SYCP2: variants seen among roughly 807,000 people sequenced by gnomAD.
The protein encoded by SYCP2 is synaptonemal complex lateral element protein.
Under a neutral mutation model 211.3 loss-of-function variants are expected in SYCP2, and 55 were observed. The observed-to-expected ratio is 0.26, with a 90% CI of 0.21 to 0.33. The LOEUF is 0.33. Among genes scored for constraint, SYCP2 ranks in the 10% least tolerant of loss-of-function variants. The pLI is 1.00. For synonymous variants in SYCP2, 570 were observed against 555.2 expected, an observed-to-expected ratio of 1.03 and a Z score of -0.37; for missense variants, 1,731 against 1,752.0, an observed-to-expected ratio of 0.99 and a Z score of 0.21.
rs2059391166 is a variant in SYCP2, at chr20:59,868,442, A to G, written c.3959T>C (p.Ile1320Thr). ...GTGGATATGATGATCTGCATCTTCA[A>G]TTTTACACAGTTTTTTGGGAAGCAA... ...ANLLPKKLCK[I>T]EDADHHIHKM... The change falls in exon 38 of 45, where the codon ATT becomes ACT. Residue 1320 changes from isoleucine (I) to threonine (T), a missense_variant. By Grantham distance (89) the Ile-to-Thr change is moderately conservative. Around this residue, in one of 3 missense-constraint regions of SYCP2, gnomAD observed 1,387 missense variants for 1,351.3 expected, o/e 1.03. Coordinates refer to ENST00000357552, the MANE Select transcript of SYCP2 (RefSeq NM_014258.4). 6.2e-7 allele frequency: 1 copy of G among 1,610,582 alleles called. No homozygotes were observed. The highest frequency in any genetic ancestry group is 8.5e-7 in the Non-Finnish European group (1 of 1,178,216).
intron 38 of SYCP2, 147 bp from the exon 39 acceptor site, chr20:59,867,994 T>C: frequency 3.3e-6 from 2 of 611,642 alleles, no homozygotes; most frequent in South Asian, 2.6e-5. Flanking sequence ...GAGTTCCTTA[T>C]GTTTTTTTTA....
At chr20:59,905,466 A>G (rs571762229) in intron 15 of SYCP2, among the ~76,000 whole-genome samples, 1 of 152,256 alleles carries the variant, frequency 6.6e-6, no homozygotes, top group African/African-American at 2.4e-5. Flanking sequence ...AACATGCTTG[A>G]ATCTTTTTTT....
At chr20:59,883,967 T>C (rs1274037053) in intron 26 of SYCP2, among the ~76,000 whole-genome samples, 1 of 152,114 alleles carries the variant, frequency 6.6e-6, no homozygotes, top group African/African-American at 2.4e-5. Flanking sequence ...CATTTCACTA[T>C]GTATATCATG....
intron 14 of SYCP2, among the ~76,000 whole-genome samples, chr20:59,911,194 G>T (rs1028332825): frequency 2.0e-5 from 3 of 152,156 alleles, no homozygotes; most frequent in African/African-American, 4.8e-5. Flanking sequence ...TAGCTATTAT[G>T]AAATAATGGC....
intron 19 of SYCP2, among the ~76,000 whole-genome samples, chr20:59,896,146 C>G (rs1315452199): frequency 6.6e-6 from 1 of 151,978 alleles, no homozygotes; most frequent in Non-Finnish European, 1.5e-5. Context: ...GGAGCTAAGT[C>G]CACCTGGCCT....
At chr20:59,903,974 C>G (rs558119453) in intron 15 of SYCP2, among the ~76,000 whole-genome samples, 1 of 152,212 alleles carries the variant, frequency 6.6e-6, no homozygotes, top group East Asian at 1.9e-4. Context: ...GTACATGTAA[C>G]AAGATCTCTG....
At chr20:59,932,666 T>A (rs998570974) in intron 1 of SYCP2, among the ~76,000 whole-genome samples, 2 of 151,694 alleles carry the variant, frequency 1.3e-5, no homozygotes, top group Middle Eastern at 3.2e-3. Flanking sequence ...AGAGCGAGAC[T>A]CCGTCTCGGG....
rs2060101300 is a variant in SYCP2, at chr20:59,900,793, G to A, written c.1208C>T (p.Ser403Leu). ...TATATGCAGCGACGTTTTGGCAACTGAAATACCTTGTTTTCTGATAGATTC... is the reference window on the plus strand; with the variant it reads ...TATATGCAGCGACGTTTTGGCAACTAAAATACCTTGTTTTCTGATAGATTC... ...HRESIRKQGI[S>L]VAKTSLHILF... The change falls in exon 17 of 45, where the codon TCA (serine) becomes TTA (leucine). Residue 403 changes from serine to leucine, a missense_variant. Physicochemically the swap from Ser to Leu is moderately radical, Grantham distance 145 (BLOSUM62 -2). Around this residue, in one of 3 missense-constraint regions of SYCP2, gnomAD observed 1,387 missense variants for 1,351.3 expected, o/e 1.03. Transcript: ENST00000357552. The A allele has an allele frequency of 1.9e-6, 3 of 1,612,282 alleles. No homozygotes were observed. Among genetic ancestry groups the A allele is most frequent in the Non-Finnish European group, 1.7e-6 (2 of 1,178,766 alleles).
chr20:59,930,134 C>T (rs924202353), intron 2 of SYCP2, among the ~76,000 whole-genome samples: 1 of 152,138 alleles, frequency 6.6e-6, no homozygotes, highest in Non-Finnish European at 1.5e-5. Flanking sequence ...TAACCATGAA[C>T]ACATTATTCA....
chr20:59,920,583 C>A (rs2060522806), intron 4 of SYCP2, 96 bp from the exon 5 acceptor site: 2 of 1,017,228 alleles, frequency 2.0e-6, no homozygotes, highest in Non-Finnish European at 2.9e-6. Context: ...TTAATCTTCA[C>A]AAATCCTGAA....
At position 59,886,997 on chromosome 20, in the gene SYCP2, AATAAG is replaced by A. The variant is rs202078405; in HGVS notation, c.2365-168_2365-164del. 5.5e-3 allele frequency among the ~76,000 whole-genome samples: 832 copies of A among 151,554 alleles called. 6 individuals carry two copies. The highest frequency in any genetic ancestry group is 0.017 in the African/African-American group (712 of 41,382). On this transcript the variant is annotated intron_variant, in intron 24 of 44. Coordinates refer to ENST00000357552, the MANE Select transcript of SYCP2 (RefSeq NM_014258.4). Reference sequence around the variant, plus strand: ...AAGTTTGAGCTTTGTTAGGCATTAAAATAAGATAATTTTTTTTATTATACTTTAAG... The same window carrying A: ...AAGTTTGAGCTTTGTTAGGCATTAAAATAATTTTTTTTATTATACTTTAAG...
chr20:59,873,728 C>T (rs1047320612), intron 35 of SYCP2, 128 bp downstream of exon 35: 10 of 707,506 alleles, frequency 1.4e-5, no homozygotes, highest in Non-Finnish European at 2.3e-5. Flanking sequence ...TCCCTCTCCC[C>T]CAAGACCCTA....
chr20:59,864,211 C>T lies in SYCP2; in HGVS notation c.*100G>A, dbSNP rs555619955. On this transcript the variant is annotated 3_prime_UTR_variant, in exon 45 of 45. Coordinates refer to ENST00000357552, the MANE Select transcript of SYCP2 (RefSeq NM_014258.4). ...GTTCCTATAAAGGGTACACTTGCTT[C>T]GGTGACATGTATATTTTTCTCTTTG... The T allele has an allele frequency of 7.3e-4, 604 of 822,672 alleles. 4 individuals are homozygous for T. Among genetic ancestry groups the T allele is most frequent in the Middle Eastern group, 3.9e-3 (11 of 2,850 alleles). 51.0% of individuals were successfully genotyped at this position (822,672 alleles called of 1,614,324 possible).
intron 40 of SYCP2, 42 bp from the exon 41 acceptor site, chr20:59,866,434 C>T: frequency 6.4e-7 from 1 of 1,555,218 alleles, no homozygotes; most frequent in South Asian, 1.2e-5. Flanking sequence ...AAAACTGTAG[C>T]ATTCAGAATA....
intron 15 of SYCP2, among the ~76,000 whole-genome samples, chr20:59,904,475 G>C (rs914950554): frequency 6.6e-6 from 1 of 152,036 alleles, no homozygotes; most frequent in African/African-American, 2.4e-5. Context: ...TTTAAAACTA[G>C]AACTAAACAC....
At chr20:59,932,610 GTT>G (rs143274306) in intron 1 of SYCP2, among the ~76,000 whole-genome samples, 3,996 of 152,214 alleles carry the variant, frequency 0.026, 184 homozygotes, top group African/African-American at 0.091. Context: ...GAAGATGGAG[GTT>G]GCAGTGACGC....
intron 2 of SYCP2, among the ~76,000 whole-genome samples, chr20:59,922,756 T>C (rs779198616): frequency 1.3e-5 from 2 of 151,710 alleles, no homozygotes; most frequent in Non-Finnish European, 3.0e-5. Flanking sequence ...TGGATCTCCC[T>C]TTCCAGTGAT....
At chr20:59,876,983 G>A (rs1040817651) in intron 33 of SYCP2, among the ~76,000 whole-genome samples, 1 of 152,102 alleles carries the variant, frequency 6.6e-6, no homozygotes, top group African/African-American at 2.4e-5. Context: ...GACATTATGA[G>A]ACATAAGGAA....
At chr20:59,922,294 T>A (rs2060555877) in intron 3 of SYCP2, 96 bp downstream of exon 3, 1 of 1,111,898 alleles carries the variant, frequency 9.0e-7, no homozygotes, top group South Asian at 1.6e-5. Context: ...ACATGTAAGC[T>A]TTATCATTGC....
Sources: allele counts gnomAD v4.1 joint callset (sites outside exome capture counted in the v4.1 genomes callset), GRCh38; gene constraint gnomAD v4.1.1; regional missense constraint gnomAD v4.1.1; transcripts MANE v1.5; gene names NCBI Gene and HGNC (gene_info 2026-07-23, HGNC 2026-07-21).